The following PIP5K1B variants were observed in gnomAD, a reference collection of about 807,000 sequenced individuals.
The protein encoded by PIP5K1B is phosphatidylinositol-4-phosphate 5-kinase type 1 beta, also known as phosphatidylinositol 4-phosphate 5-kinase type-1 beta.
In PIP5K1B, 42 loss-of-function variants were observed where a neutral mutation model predicts 67.0. The ratio of observed to expected loss-of-function variants is 0.63; its 90% CI spans 0.49 to 0.81. The LOEUF is 0.81. Ranked by LOEUF, PIP5K1B falls within the 30% of genes least tolerant of loss-of-function variation. The pLI is 0.00. For synonymous variants in PIP5K1B, 214 were observed against 231.4 expected, an observed-to-expected ratio of 0.92 and a Z score of 0.68; for missense variants, 459 against 646.3, an observed-to-expected ratio of 0.71 and a Z score of 3.14.
At chr9:68,928,721 C>T (rs539468622) in intron 12 of PIP5K1B, among the ~76,000 whole-genome samples, 2 of 152,308 alleles carry the variant, frequency 1.3e-5, no homozygotes, top group South Asian at 4.1e-4. Flanking sequence ...AGTGCTGCTA[C>T]AGTGGAAAAT....
At chr9:69,000,980 C>G (rs1035932091) in intron 15 of PIP5K1B, among the ~76,000 whole-genome samples, 2 of 151,882 alleles carry the variant, frequency 1.3e-5, no homozygotes, top group African/African-American at 4.8e-5. Context: ...TCACTGCAAC[C>G]TCCACCTCCC....
chr9:69,002,366 A>G (rs933976332), intron 15 of PIP5K1B, among the ~76,000 whole-genome samples: 15 of 152,134 alleles, frequency 9.9e-5, no homozygotes, highest in Non-Finnish European at 1.0e-4. Flanking sequence ...GAGCGTGCCT[A>G]AGTTTCCTTT....
chr9:69,007,756 C>A (rs1344844961), intron 15 of PIP5K1B, among the ~76,000 whole-genome samples: 1 of 151,942 alleles, frequency 6.6e-6, no homozygotes, highest in East Asian at 1.9e-4. Flanking sequence ...ACTCGGGAGG[C>A]TGAGGCAGGA....
intron 4 of PIP5K1B, among the ~76,000 whole-genome samples, chr9:68,849,642 A>T (rs1477847246): frequency 6.6e-6 from 1 of 152,262 alleles, no homozygotes; most frequent in African/African-American, 2.4e-5. Flanking sequence ...CTGGGATTAA[A>T]GGCATGCGCC....
chr9:68,797,095 C>G (rs1289650787), intron 2 of PIP5K1B, among the ~76,000 whole-genome samples: 1 of 152,100 alleles, frequency 6.6e-6, no homozygotes, highest in East Asian at 1.9e-4. Flanking sequence ...TGAATGAATA[C>G]TTACTATGTA....
intron 15 of PIP5K1B, among the ~76,000 whole-genome samples, chr9:69,004,651 G>A (rs11144737): frequency 2.0e-5 from 3 of 151,930 alleles, no homozygotes; most frequent in Admixed American, 1.3e-4. Flanking sequence ...GTCCATCTGC[G>A]TGCTGGGGAG....
chr9:68,996,816 C>CT (rs942503391), intron 15 of PIP5K1B, among the ~76,000 whole-genome samples: 1 of 152,116 alleles, frequency 6.6e-6, no homozygotes, highest in East Asian at 1.9e-4. Context: ...AATGGGATTG[C>CT]TTTTTTAATA....
chr9:68,729,067 T>C (rs1284855358), intron 1 of PIP5K1B: 1 of 152,194 alleles, frequency 6.6e-6, no homozygotes, highest in Admixed American at 6.5e-5. Flanking sequence ...TCTTCCTATG[T>C]TTAATGACAT....
intron 14 of PIP5K1B, among the ~76,000 whole-genome samples, chr9:68,973,298 G>A (rs1026674255): frequency 6.6e-6 from 1 of 152,050 alleles, no homozygotes; most frequent in Admixed American, 6.6e-5. Flanking sequence ...AAAATCTAAG[G>A]AGAGGCTGTA....
Position 68,891,457 on chromosome 9 carries a change from A to T in PIP5K1B, c.471+2324A>T, listed in dbSNP as rs532797506. 7.6e-3 allele frequency among the ~76,000 whole-genome samples: 1,149 copies of T among 150,386 alleles called. 6 individuals carry two copies. Among genetic ancestry groups the T allele is most frequent in the African/African-American group, 0.021 (873 of 41,266 alleles). Reference sequence around the variant, plus strand: ...TGGCAGGGGAGTTTTTTTTTTTTTAAAAAATGATAAATAAATCAATGATTA... The same window carrying T: ...TGGCAGGGGAGTTTTTTTTTTTTTATAAAATGATAAATAAATCAATGATTA... On this transcript the variant is annotated intron_variant, in intron 7 of 15. Transcript: ENST00000265382.
At chr9:68,767,280 TA>T (rs1200142041) in intron 2 of PIP5K1B, among the ~76,000 whole-genome samples, 1 of 152,204 alleles carries the variant, frequency 6.6e-6, no homozygotes, top group African/African-American at 2.4e-5. Flanking sequence ...AACCCTTTCA[TA>T]AAATACCATC....
At chr9:68,951,741 A>T (rs1436817711) in intron 14 of PIP5K1B, among the ~76,000 whole-genome samples, 2 of 152,232 alleles carry the variant, frequency 1.3e-5, no homozygotes, top group Middle Eastern at 3.2e-3. Context: ...TTATTTTTGT[A>T]ACAAAACTCT....
chr9:68,795,595 T>C (rs552668367), intron 2 of PIP5K1B, among the ~76,000 whole-genome samples: 4 of 152,302 alleles, frequency 2.6e-5, no homozygotes, highest in South Asian at 2.1e-4. Flanking sequence ...GAATGGTTGC[T>C]CACAGAAATC....
rs1827063297 is a variant in PIP5K1B, at chr9:68,705,250, C to T, written c.-755C>T. On this transcript the variant is annotated 5_prime_UTR_variant, in exon 1 of 16. Transcript: ENST00000265382. ...GCCGCGCAGCCGGCTCTCTCTGCGC[C>T]TCGCTCCGACTCCGGCGCGCACCAA... 6.6e-6 allele frequency among the ~76,000 whole-genome samples: 1 copy of T among 151,900 alleles called. No homozygotes were observed. Among genetic ancestry groups the T allele is most frequent in the Non-Finnish European group, 1.5e-5 (1 of 67,940 alleles).
At chr9:68,910,540 C>T (rs752366319) in intron 8 of PIP5K1B, among the ~76,000 whole-genome samples, 4 of 152,152 alleles carry the variant, frequency 2.6e-5, no homozygotes, top group Non-Finnish European at 5.9e-5. Context: ...AGCAGTATAA[C>T]AAATATTCAT....
chr9:68,867,859 G>A (rs1823438659), intron 5 of PIP5K1B, among the ~76,000 whole-genome samples: 1 of 152,184 alleles, frequency 6.6e-6, no homozygotes. Context: ...CTGGGTCATA[G>A]AACTAATTAC....
At chr9:68,766,263 C>T (rs1830421560) in intron 2 of PIP5K1B, among the ~76,000 whole-genome samples, 1 of 151,922 alleles carries the variant, frequency 6.6e-6, no homozygotes, top group South Asian at 2.1e-4. Context: ...TTTTTTGCTG[C>T]TTTTTTTATA....
At chr9:68,712,098 G>A (rs1003798368) in intron 1 of PIP5K1B, among the ~76,000 whole-genome samples, 1 of 152,184 alleles carries the variant, frequency 6.6e-6, no homozygotes, top group Admixed American at 6.5e-5. Flanking sequence ...GAGTCATATG[G>A]ATGGATCCCT....
chr9:68,880,556 A>AACAC (rs35017818), intron 6 of PIP5K1B, among the ~76,000 whole-genome samples: 1,453 of 118,658 alleles, frequency 0.012, 12 homozygotes, highest in African/African-American at 0.028. Flanking sequence ...CTGCATCTGA[A>AACAC]ACACACACAC....
Sources: allele counts gnomAD v4.1 joint callset (sites outside exome capture counted in the v4.1 genomes callset), GRCh38; gene constraint gnomAD v4.1.1; transcripts MANE v1.5; gene names NCBI Gene and HGNC (gene_info 2026-07-23, HGNC 2026-07-21).